The following PXDNL variants were observed in gnomAD, a reference collection of about 807,000 sequenced individuals.
PXDNL encodes peroxidasin like.
Under a neutral mutation model 150.8 loss-of-function variants are expected in PXDNL, and 145 were observed. The ratio of observed to expected loss-of-function variants is 0.96; its 90% CI spans 0.84 to 1.10. The LOEUF is 1.10. Ranked by LOEUF, PXDNL falls within the 50% of genes least tolerant of loss-of-function variation. The probability of loss-of-function intolerance (pLI) is 0.00; values close to 1 mark genes in which losing one functional copy is unlikely to be tolerated. For synonymous variants in PXDNL, 757 were observed against 725.7 expected (o/e 1.04, Z -0.69); for missense variants, 2,087 against 1,873.9 (o/e 1.11, Z -2.10).
intron 1 of PXDNL, among the ~76,000 whole-genome samples, chr8:51,781,101 T>C (rs2037410741): frequency 6.6e-6 from 1 of 152,134 alleles, no homozygotes; most frequent in African/African-American, 2.4e-5. Flanking sequence ...TTTTAACACA[T>C]GAATTTTGGG....
chr8:51,374,212 C>T (rs1036129183), intron 18 of PXDNL, among the ~76,000 whole-genome samples: 1 of 152,152 alleles, frequency 6.6e-6, no homozygotes, highest in East Asian at 1.9e-4. Flanking sequence ...CTGCAGACGT[C>T]CTATGGAATA....
chr8:51,585,271 T>C (rs1813298508), intron 3 of PXDNL, among the ~76,000 whole-genome samples: 1 of 152,072 alleles, frequency 6.6e-6, no homozygotes, highest in Non-Finnish European at 1.5e-5. Context: ...TTGGGAAACA[T>C]AAAAGCAATC....
intron 2 of PXDNL, among the ~76,000 whole-genome samples, chr8:51,653,249 C>T (rs1271672196): frequency 1.3e-5 from 2 of 152,060 alleles, no homozygotes; most frequent in Non-Finnish European, 2.9e-5. Flanking sequence ...AAAACCCTGT[C>T]TCTACTAAAA....
chr8:51,580,281 C>A (rs1367604380), intron 3 of PXDNL, among the ~76,000 whole-genome samples: 2 of 151,980 alleles, frequency 1.3e-5, no homozygotes, highest in Admixed American at 6.6e-5. Flanking sequence ...TATATTTTTG[C>A]TATATTTATC....
intron 1 of PXDNL, among the ~76,000 whole-genome samples, chr8:51,664,073 G>GC (rs1193901792): frequency 3.3e-5 from 5 of 150,406 alleles, no homozygotes; most frequent in Non-Finnish European, 7.4e-5. Context: ...AAAAAAGAGC[G>GC]AGAAAGAGAG....
intron 6 of PXDNL, among the ~76,000 whole-genome samples, chr8:51,476,972 G>A (rs74746804): frequency 0.031 from 4,642 of 152,134 alleles, 229 homozygotes; most frequent in East Asian, 0.25. Flanking sequence ...TAAATCTAAA[G>A]ATACCAATTT....
At chr8:51,433,690 C>T (rs1809317353) in intron 12 of PXDNL, among the ~76,000 whole-genome samples, 1 of 152,106 alleles carries the variant, frequency 6.6e-6, no homozygotes, top group Non-Finnish European at 1.5e-5. Flanking sequence ...CAATTTGAAA[C>T]TTATAATCGT....
intron 2 of PXDNL, among the ~76,000 whole-genome samples, chr8:51,602,387 CT>C (rs36095910): frequency 1.3e-5 from 2 of 151,658 alleles, no homozygotes; most frequent in East Asian, 1.9e-4. Context: ...CATTTTCTTC[CT>C]TTTTTTTAAA....
chr8:51,654,401 T>C (rs919030953), intron 2 of PXDNL, among the ~76,000 whole-genome samples: 1 of 152,210 alleles, frequency 6.6e-6, no homozygotes, highest in African/African-American at 2.4e-5. Flanking sequence ...ATGGGACTCA[T>C]AGACAAGTTA....
chr8:51,623,106 G>A (rs1240289286), intron 2 of PXDNL, among the ~76,000 whole-genome samples: 1 of 152,134 alleles, frequency 6.6e-6, no homozygotes, highest in African/African-American at 2.4e-5. Context: ...GTTTTTGTTA[G>A]CCTGTATCTT....
At chr8:51,777,935 G>A (rs1217992149) in intron 1 of PXDNL, among the ~76,000 whole-genome samples, 1 of 151,906 alleles carries the variant, frequency 6.6e-6, no homozygotes, top group East Asian at 1.9e-4. Flanking sequence ...CAACAAAAAA[G>A]TTATTCTTTG....
At chr8:51,638,494 G>T (rs1398472985) in intron 2 of PXDNL, among the ~76,000 whole-genome samples, 1 of 152,052 alleles carries the variant, frequency 6.6e-6, no homozygotes. Flanking sequence ...CAAAATAAAG[G>T]AATGGAGGAA....
chr8:51,376,781 G>A lies in PXDNL; in HGVS notation c.3558-2050C>T, dbSNP rs541226379. ...TCCCCCAGGCTGGAGTGCAGTGGCA[G>A]GATCTCAGTTCACTGCAAGCTCCAC... On this transcript the variant is annotated intron_variant, in intron 17 of 22. Transcript: ENST00000356297. Among the ~76,000 whole-genome samples the A allele has an allele frequency of 9.9e-4, 150 of 151,394 alleles. 1 individual carries two copies. Among genetic ancestry groups the A allele is most frequent in the African/African-American group, 3.5e-3 (144 of 41,224 alleles).
chr8:51,434,454 AT>A (rs1473484396), intron 12 of PXDNL, among the ~76,000 whole-genome samples: 4 of 152,112 alleles, frequency 2.6e-5, no homozygotes, highest in African/African-American at 9.7e-5. Context: ...TATTTACTTC[AT>A]TTTTTCCCTT....
chr8:51,358,482 A>T (rs1452403146), intron 19 of PXDNL, among the ~76,000 whole-genome samples: 1 of 152,184 alleles, frequency 6.6e-6, no homozygotes, highest in Non-Finnish European at 1.5e-5. Context: ...GTGTAAAAAA[A>T]TGATTAAACA....
chr8:51,744,121 AG>A (rs1563307278), intron 1 of PXDNL, among the ~76,000 whole-genome samples: 4 of 136,616 alleles, frequency 2.9e-5, no homozygotes, highest in South Asian at 2.6e-4. Context: ...AAAGAAAGAA[AG>A]GAAGAAAGAG....
intron 1 of PXDNL, among the ~76,000 whole-genome samples, chr8:51,731,899 T>G (rs1421241453): frequency 6.6e-6 from 1 of 152,192 alleles, no homozygotes; most frequent in Admixed American, 6.5e-5. Flanking sequence ...ACCATTTTTT[T>G]TCCTTCTAGG....
chr8:51,594,600 C>T (rs550347806), intron 2 of PXDNL, among the ~76,000 whole-genome samples: 46 of 152,186 alleles, frequency 3.0e-4, no homozygotes, highest in South Asian at 1.2e-3. Flanking sequence ...AGTATGAGAT[C>T]AAACAATTTA....
intron 7 of PXDNL, among the ~76,000 whole-genome samples, chr8:51,474,490 A>T (rs1810427139): frequency 6.6e-6 from 1 of 152,188 alleles, no homozygotes; most frequent in South Asian, 2.1e-4. Flanking sequence ...GGTAAAACTG[A>T]TTTTCATTAT....
Sources: allele counts gnomAD v4.1 joint callset (sites outside exome capture counted in the v4.1 genomes callset), GRCh38; gene constraint gnomAD v4.1.1; transcripts MANE v1.5; gene names NCBI Gene and HGNC (gene_info 2026-07-23, HGNC 2026-07-21).